The following RB1CC1 variants were observed in gnomAD, a reference collection of about 807,000 sequenced individuals.
The protein encoded by RB1CC1 is RB1 inducible coiled-coil 1, also known as RB1-inducible coiled-coil protein 1.
Under a neutral mutation model 177.5 loss-of-function variants are expected in RB1CC1, and 46 were observed. The observed-to-expected ratio is 0.26, with a 90% confidence interval of 0.20 to 0.33. The LOEUF (loss-of-function observed/expected upper bound fraction) is 0.33. RB1CC1 is among the 10% of genes least tolerant of loss of function. The pLI is 1.00. For missense variants in RB1CC1, 1,703 were observed against 1,816.3 expected (o/e 0.94, Z 1.13); for synonymous variants, 666 against 613.6 (o/e 1.09, Z -1.26).
chr8:52,673,598 G>GT (rs1182022431), intron 7 of RB1CC1, among the ~76,000 whole-genome samples: 1 of 152,094 alleles, frequency 6.6e-6, no homozygotes, highest in Non-Finnish European at 1.5e-5. Flanking sequence ...GTAGTTTACT[G>GT]TATGTAAATT....
In RB1CC1 at chr8:52,657,197, G is replaced by A; in HGVS notation, c.2632C>T (p.Leu878Phe). 2 of 1,600,422 alleles carry A rather than the reference G, an allele frequency of 1.2e-6. No homozygotes were observed. Among genetic ancestry groups the A allele is most frequent in the Middle Eastern group, 1.7e-4 (1 of 6,028 alleles). Residue 878 changes from leucine to phenylalanine, a missense_variant, in exon 15 of 24, where the codon CTT becomes TTT. Around this residue, in one of 6 missense-constraint regions of RB1CC1, gnomAD observed 1,169 missense variants for 1,184.7 expected, o/e 0.99. Coordinates refer to ENST00000025008, the MANE Select transcript of RB1CC1 (RefSeq NM_014781.5). ...LSLKNEYEGK[L>F]DGLIKETEEN... The stretch of plus-strand genomic sequence containing the variant: ...TCAGTTTCCTTTATTAGTCCGTCAA[G>A]TTTACCTTCATATTCATTTTTTAAA...
chr8:52,687,206 C>T (rs1854348613), intron 1 of RB1CC1, among the ~76,000 whole-genome samples: 1 of 152,116 alleles, frequency 6.6e-6, no homozygotes, highest in Admixed American at 6.6e-5. Context: ...ATTCCTCATT[C>T]CTTAAAATAT....
In RB1CC1 at chr8:52,650,188, T is replaced by G. The variant is rs574802225; in HGVS notation, c.3822-4321A>C. On this transcript the variant is annotated intron_variant, in intron 15 of 23. Coordinates refer to ENST00000025008, the MANE Select transcript of RB1CC1 (RefSeq NM_014781.5). ...CGGACTGTGTGTCCTCACATAAGCATCTTTCTTCTTCAAAGGTTTCCTCTG... is the reference window on the plus strand; with the variant it reads ...CGGACTGTGTGTCCTCACATAAGCAGCTTTCTTCTTCAAAGGTTTCCTCTG... Among the ~76,000 whole-genome samples, 9 of 152,342 alleles carry G rather than the reference T, an allele frequency of 5.9e-5. No homozygotes were observed. The South Asian group carries it at 1.9e-3, about 32-fold the overall frequency.
At chr8:52,651,821 G>A (rs1052358125) in intron 15 of RB1CC1, among the ~76,000 whole-genome samples, 3 of 152,146 alleles carry the variant, frequency 2.0e-5, no homozygotes, top group East Asian at 1.9e-4. Context: ...CCGTGAACTC[G>A]TGTTTTCCAA....
At position 52,657,473 on chromosome 8, in the gene RB1CC1, CCTT is replaced by C; in HGVS notation, c.2353_2355del (p.Lys785del). ...AGAGAAGTATGATCTCCAAAATCCT[CCTT>C]ACCACATACATTTGTATCCTGCATT... On this transcript the variant is annotated inframe_deletion, in exon 15 of 24. Transcript: ENST00000025008. 6.2e-7 allele frequency: 1 copy of C among 1,613,736 alleles called. No individual in the cohort carries two copies. Among genetic ancestry groups the C allele is most frequent in the Non-Finnish European group, 8.5e-7 (1 of 1,180,006 alleles).
chr8:52,674,460 CG>C (rs898774142), intron 6 of RB1CC1, among the ~76,000 whole-genome samples, 186 bp from the exon 7 acceptor site: 21 of 152,234 alleles, frequency 1.4e-4, no homozygotes, highest in Admixed American at 7.8e-4. Context: ...GAGAGGCTAT[CG>C]TTAACCCATT....
At chr8:52,645,175 T>A (rs1002017118) in intron 16 of RB1CC1, among the ~76,000 whole-genome samples, 2 of 152,180 alleles carry the variant, frequency 1.3e-5, no homozygotes, top group African/African-American at 4.8e-5. Flanking sequence ...CAAAATTCAA[T>A]AATATTCCAT....
In RB1CC1 at chr8:52,642,795, AAC is replaced by A; in HGVS notation, c.4003_4004del (p.Val1335PhefsTer14). ...IAEQQTNFNTVLTREKMRKEN... is the reference protein window; with the variant it reads ...IAEQQTNFNTXLTREKMRKEN... ...CTTTTCTCATTTTCTCTCTTGTTAA[AAC>A]AGTGTTAAAATTGGTCTGGAACAAG... On this transcript the variant is annotated frameshift_variant, in exon 17 of 24. Transcript: ENST00000025008. LOFTEE classifies it high-confidence loss of function. 1 of 1,559,848 alleles carries A rather than the reference AAC, an allele frequency of 6.4e-7. No homozygotes were observed. Among genetic ancestry groups the A allele is most frequent in the Non-Finnish European group, 8.6e-7 (1 of 1,162,272 alleles).
intron 1 of RB1CC1, among the ~76,000 whole-genome samples, chr8:52,708,956 C>T (rs1408069577): frequency 6.6e-6 from 1 of 152,096 alleles, no homozygotes; most frequent in East Asian, 1.9e-4. Context: ...TATATGCCAC[C>T]CAGCACTTTG....
chr8:52,627,241 G>A (rs902243005), intron 22 of RB1CC1, among the ~76,000 whole-genome samples: 13 of 152,248 alleles, frequency 8.5e-5, no homozygotes, highest in East Asian at 7.7e-4. Context: ...CAGCTACTCG[G>A]GAAGCTGAGG....
At chr8:52,628,862 A>C (rs777194902) in intron 21 of RB1CC1, among the ~76,000 whole-genome samples, 6 of 152,212 alleles carry the variant, frequency 3.9e-5, no homozygotes, top group Non-Finnish European at 8.8e-5. Context: ...TCCTATACCT[A>C]ATAAATCATC....
At chr8:52,661,344 T>G in intron 9 of RB1CC1, 63 bp from the exon 10 acceptor site, 1 of 1,566,326 alleles carries the variant, frequency 6.4e-7, no homozygotes, top group Non-Finnish European at 8.7e-7. Context: ...GTTACTTACT[T>G]AGTAAGCTTA....
At chr8:52,640,466 C>A (rs182778194) in intron 18 of RB1CC1, among the ~76,000 whole-genome samples, 3 of 152,256 alleles carry the variant, frequency 2.0e-5, no homozygotes, top group Middle Eastern at 3.4e-3. Context: ...ACACTGTAAA[C>A]CATAAATATG....
intron 15 of RB1CC1, among the ~76,000 whole-genome samples, chr8:52,654,692 C>A (rs543189866): frequency 6.6e-6 from 1 of 152,172 alleles, no homozygotes; most frequent in African/African-American, 2.4e-5. Flanking sequence ...CTTGGGCCTA[C>A]GCTGTCCAGC....
Position 52,657,559 on chromosome 8 carries a change from G to A in RB1CC1, c.2270C>T (p.Pro757Leu). ...SPNPISDPQS[P>L]EMMVESLYSS... ...ATAAAGTGATTCCACCATCATTTCT[G>A]GGCTTTGTGGATCACTTATAGGATT... Residue 757 changes from proline to leucine, a missense_variant, in exon 15 of 24, where the codon CCA becomes CTA. By Grantham distance (98) the Pro-to-Leu change is moderately conservative. Around this residue, in one of 6 missense-constraint regions of RB1CC1, gnomAD observed 1,169 missense variants for 1,184.7 expected, o/e 0.99. Transcript: ENST00000025008. 1 of 1,613,962 alleles carries A rather than the reference G, an allele frequency of 6.2e-7. No individual in the cohort carries two copies. The highest frequency in any genetic ancestry group is 8.5e-7 in the Non-Finnish European group (1 of 1,179,990).
rs915582723 is a variant in RB1CC1 at position 52,649,841 on chromosome 8, C to T, written c.3822-3974G>A. On this transcript the variant is annotated intron_variant, in intron 15 of 23. Coordinates refer to ENST00000025008, the MANE Select transcript of RB1CC1 (RefSeq NM_014781.5). ...CAAAGGTACAGGAGAAAGCTTTCTC[C>T]TATATTTTCAAAACTAAACATTTCA... Among the ~76,000 whole-genome samples the T allele has an allele frequency of 3.9e-5, 6 of 152,184 alleles. No individual in the cohort carries two copies. The East Asian group carries it at 9.7e-4, about 25-fold the overall frequency.
At chr8:52,626,670 A>G (rs150912115) in intron 22 of RB1CC1, among the ~76,000 whole-genome samples, 5 of 152,224 alleles carry the variant, frequency 3.3e-5, no homozygotes, top group African/African-American at 9.6e-5. Flanking sequence ...GACAAAAGAA[A>G]TATCAGGTTC....
In RB1CC1 at chr8:52,683,902, G is replaced by A; in HGVS notation, c.183C>T (p.Thr61=). The A allele has an allele frequency of 6.2e-7, 1 of 1,614,050 alleles. No individual in the cohort carries two copies. Among genetic ancestry groups the A allele is most frequent in the Non-Finnish European group, 8.5e-7 (1 of 1,180,014 alleles). The change falls in exon 4 of 24, where the codon ACC becomes ACT. Residue 61 remains threonine (T), a synonymous_variant. Transcript: ENST00000025008. The part of the protein sequence containing the change: ...ECMAADRRVC[T]YSAGTDTNPI... ...GAATACCTACCGTCCCAGCACTGTA[G>A]GTACACACTCTTCGATCTGCAGCCA...
intron 15 of RB1CC1, among the ~76,000 whole-genome samples, chr8:52,648,698 T>G (rs557402868): frequency 2.6e-5 from 4 of 152,144 alleles, no homozygotes. Context: ...CTTTTGCAGT[T>G]TGAGGTGTGA....
Sources: gnomAD v4.1 joint callset for allele counts (sites outside exome capture counted in the v4.1 genomes callset) on GRCh38, gnomAD v4.1.1 for gene constraint, gnomAD v4.1.1 regional missense constraint, MANE v1.5 for transcripts, NCBI Gene and HGNC (gene_info 2026-07-23, HGNC 2026-07-21) for gene names.